ARL10: variants seen among roughly 807,000 people sequenced by gnomAD.
The protein encoded by ARL10 is ARF like GTPase 10.
Under a neutral mutation model 26.1 loss-of-function variants are expected in ARL10, and 23 were observed. The ratio of observed to expected loss-of-function variants is 0.88; its 90% CI spans 0.63 to 1.25. The LOEUF is 1.25. Ranked by LOEUF, ARL10 falls within the 50% of genes most tolerant of loss-of-function variation. The pLI, the probability that ARL10 is intolerant of heterozygous loss-of-function variation, is 0.00. For synonymous variants in ARL10, 138 were observed against 149.1 expected (o/e 0.93, Z 0.54); for missense variants, 300 against 323.6 (o/e 0.93, Z 0.56).
downstream of ARL10, chr5:176,393,000 C>T: frequency 6.2e-7 from 1 of 1,603,398 alleles, no homozygotes; most frequent in Non-Finnish European, 8.5e-7. The surrounding 1 kb of genome is among the most constrained non-coding windows in gnomAD (Gnocchi z 5.2). Context: ...CCCAGCCTTG[C>T]CCTTGAGCAA....
At chr5:176,371,350 T>C (rs753366260) in intron 3 of ARL10, among the ~76,000 whole-genome samples, 3 of 152,154 alleles carry the variant, frequency 2.0e-5, no homozygotes, top group Non-Finnish European at 4.4e-5. Flanking sequence ...GCCACTGCAC[T>C]CCAGCCTGGG....
At chr5:176,398,163 C>A (rs1756643520) in intron 1 of ARL10, 1 of 845,174 alleles carries the variant, frequency 1.2e-6, no homozygotes, top group East Asian at 2.5e-5. Context: ...AACCTCATAC[C>A]CACTGTCTCT....
In ARL10 at chr5:176,393,701, A is replaced by G. The variant is rs1305353804; in HGVS notation, c.134-8040A>G. 6.6e-6 allele frequency among the ~76,000 whole-genome samples: 1 copy of G among 152,156 alleles called. No individual in the cohort carries two copies. The highest frequency in any genetic ancestry group is 1.5e-5 in the Non-Finnish European group (1 of 68,026). On this transcript the variant is annotated intron_variant, in intron 1 of 1. Coordinates refer to the ARL10 transcript ENST00000514533. This position sits in a 1 kb window ranked among gnomAD's most constrained non-coding sequence, Gnocchi z 4.4. ...CTGGAGTCTGCTTTTGGTTGGAATC[A>G]AGTTAGGATGAAAACTGGCGGTCCT...
chr5:176,383,853 C>CG (rs1755617382), downstream of ARL10: 5 of 871,438 alleles, frequency 5.7e-6, no homozygotes, highest in South Asian at 5.4e-5. Context: ...TGCTGACAGG[C>CG]GGGATGGCCT....
At chr5:176,391,090 C>G (rs1756251635), downstream of ARL10, among the ~76,000 whole-genome samples, 3 of 152,142 alleles carry the variant, frequency 2.0e-5, no homozygotes, top group Admixed American at 2.0e-4. Context: ...CTTCTTGAAC[C>G]CCCCAACAGT....
rs935609956 is a variant in ARL10 at position 176,374,441 on chromosome 5, A to G, written c.*2546A>G. 1 of 152,246 alleles carries G rather than the reference A, an allele frequency of 6.6e-6. No homozygotes were observed. The highest frequency in any genetic ancestry group is 2.4e-5 in the African/African-American group (1 of 41,468). 9.4% of individuals were successfully genotyped at this position (152,246 alleles called of 1,614,324 possible). A position where few individuals can be genotyped will look rare whatever the true frequency, so the allele number is the denominator to read the frequency against. On this transcript the variant is annotated 3_prime_UTR_variant, in exon 4 of 4. Coordinates refer to ENST00000310389, the MANE Select transcript of ARL10 (RefSeq NM_173664.6). The stretch of plus-strand genomic sequence containing the variant: ...AATGAGACCATTTGAGGTACAAAGG[A>G]TGACTGCATTGGTGTACTTAAGACT...
chr5:176,372,854 T>C lies in ARL10; in HGVS notation c.*959T>C, dbSNP rs1768587344. On this transcript the variant is annotated 3_prime_UTR_variant, in exon 4 of 4. Coordinates refer to ENST00000310389, the MANE Select transcript of ARL10 (RefSeq NM_173664.6). ...TTCTAGGCTCTGTTTCTAGGTGCTGTTTTCAAAACCCCAGATGACAGTCAT... is the reference window on the plus strand; with the variant it reads ...TTCTAGGCTCTGTTTCTAGGTGCTGCTTTCAAAACCCCAGATGACAGTCAT... 2.5e-6 allele frequency: 1 copy of C among 398,750 alleles called. No individual in the cohort carries two copies. Among genetic ancestry groups the C allele is most frequent in the Non-Finnish European group, 4.4e-6 (1 of 226,056 alleles). 24.7% of individuals were successfully genotyped at this position (398,750 alleles called of 1,614,324 possible).
At chr5:176,411,622 G>A in the ARL10 span, among the ~76,000 whole-genome samples, 1 of 152,124 alleles carries the variant, frequency 6.6e-6, no homozygotes, top group Non-Finnish European at 1.5e-5. Flanking sequence ...CCAACAAACA[G>A]ACCCTCCATG....
chr5:176,396,684 C>T (rs1023848746), intron 1 of ARL10: 8 of 698,760 alleles, frequency 1.1e-5, no homozygotes, highest in Admixed American at 8.1e-5. Flanking sequence ...GGCTCAGCAA[C>T]GACCCACAGC....
downstream of ARL10, chr5:176,393,079 G>A (rs748404741): frequency 1.4e-4 from 135 of 988,306 alleles, no homozygotes; most frequent in Non-Finnish European, 2.0e-4. The surrounding 1 kb of genome is among the most constrained non-coding windows in gnomAD (Gnocchi z 4.4). Flanking sequence ...GACTTCAGAG[G>A]AGGGCAGCCT....
chr5:176,393,005 G>C, downstream of ARL10: 1 of 1,594,766 alleles, frequency 6.3e-7, no homozygotes. The surrounding 1 kb of genome is among the most constrained non-coding windows in gnomAD (Gnocchi z 4.4). Flanking sequence ...CCTTGCCCTT[G>C]AGCAAGGCTG....
rs142947319 is a variant in ARL10 at position 176,380,192 on chromosome 5, A to T, written c.*8297A>T. 2.6e-5 allele frequency: 4 copies of T among 152,320 alleles called. No individual in the cohort carries two copies. The highest frequency in any genetic ancestry group is 9.6e-5 in the African/African-American group (4 of 41,572). The allele number at this position is 152,320 out of a possible 1,614,324, so 9.4% of individuals were successfully genotyped here. On this transcript the variant is annotated 3_prime_UTR_variant, in exon 4 of 4. Coordinates refer to ENST00000310389, the MANE Select transcript of ARL10 (RefSeq NM_173664.6). ...CGAGGCAAAGAAGAGACAGAGAAGGAGCAATCCAGGTTCATGTGCTGCATG... is the reference window on the plus strand; with the variant it reads ...CGAGGCAAAGAAGAGACAGAGAAGGTGCAATCCAGGTTCATGTGCTGCATG...
the ARL10 span, among the ~76,000 whole-genome samples, chr5:176,410,992 C>A: frequency 6.6e-6 from 1 of 152,234 alleles, no homozygotes; most frequent in Non-Finnish European, 1.5e-5. Flanking sequence ...TCCACTCTCT[C>A]CCGCAGCTCA....
rs1399340514 is a variant in ARL10 at position 176,379,084 on chromosome 5, A to G, written c.*7189A>G. On this transcript the variant is annotated 3_prime_UTR_variant, in exon 4 of 4. Coordinates refer to ENST00000310389, the MANE Select transcript of ARL10 (RefSeq NM_173664.6). Reference sequence around the variant, plus strand: ...GCCACTGCCTTTAAACAATTGGGATATGCCTTAGCTATGGGGTCTAATTGC... The same window carrying G: ...GCCACTGCCTTTAAACAATTGGGATGTGCCTTAGCTATGGGGTCTAATTGC... 6.6e-6 allele frequency: 1 copy of G among 152,106 alleles called. No homozygotes were observed. The highest frequency in any genetic ancestry group is 1.9e-4 in the East Asian group (1 of 5,194). The allele number at this position is 152,106 out of a possible 1,614,324, so 9.4% of individuals were successfully genotyped here.
intron 1 of ARL10, among the ~76,000 whole-genome samples, chr5:176,395,483 G>A (rs766172640): frequency 6.6e-6 from 1 of 152,240 alleles, no homozygotes; most frequent in African/African-American, 2.4e-5. Flanking sequence ...TCTGTGCCCT[G>A]TGAGAGGAGG....
rs1755542291 is a variant in ARL10, at chr5:176,381,047, C to T, written c.*9152C>T. On this transcript the variant is annotated 3_prime_UTR_variant, in exon 4 of 4. Coordinates refer to ENST00000310389, the MANE Select transcript of ARL10 (RefSeq NM_173664.6). ...CCTCCCAAAGTGCTGGGATTACAGG[C>T]ATCAGCCACCACACCCAGCCCCATA... 6.6e-6 allele frequency: 1 copy of T among 152,224 alleles called. No homozygotes were observed. Among genetic ancestry groups the T allele is most frequent in the Non-Finnish European group, 1.5e-5 (1 of 68,058 alleles). The allele number at this position is 152,224 out of a possible 1,614,324, so 9.4% of individuals were successfully genotyped here.
downstream of ARL10, chr5:176,388,807 C>G: frequency 1.9e-6 from 3 of 1,611,328 alleles, no homozygotes; most frequent in South Asian, 3.3e-5. Context: ...TCTCCTGCTG[C>G]TGTGGCCCGG....
chr5:176,394,281 A>T (rs927594964), intron 1 of ARL10, among the ~76,000 whole-genome samples: 2 of 152,230 alleles, frequency 1.3e-5, no homozygotes, highest in African/African-American at 4.8e-5. Flanking sequence ...CAGCATGACG[A>T]CAGAGCCTGT....
At chr5:176,383,371 C>A (rs1303078761), downstream of ARL10, among the ~76,000 whole-genome samples, 1 of 152,196 alleles carries the variant, frequency 6.6e-6, no homozygotes, top group Non-Finnish European at 1.5e-5. Flanking sequence ...CACTCCATAC[C>A]CTGCTTGTGA....
Sources: allele counts gnomAD v4.1 joint callset (sites outside exome capture counted in the v4.1 genomes callset), GRCh38; gene constraint gnomAD v4.1.1; non-coding constraint Gnocchi (gnomAD v3.1); transcripts MANE v1.5; gene names NCBI Gene and HGNC (gene_info 2026-07-23, HGNC 2026-07-21).